ENPP3: variants seen among roughly 807,000 people sequenced by gnomAD.
The protein encoded by ENPP3 is ectonucleotide pyrophosphatase/phosphodiesterase 3, also known as ectonucleotide pyrophosphatase/phosphodiesterase family member 3.
ENPP3 carries 104 observed loss-of-function variants against 117.8 expected under a neutral mutation model. The ratio of observed to expected loss-of-function variants is 0.88; its 90% confidence interval spans 0.75 to 1.04. ENPP3 has a LOEUF of 1.04. ENPP3 is among the 50% of genes least tolerant of loss of function. The pLI is 0.00. For synonymous variants in ENPP3, 380 were observed against 349.9 expected, an observed-to-expected ratio of 1.09 and a Z score of -0.96; for missense variants, 1,026 against 1,051.9, an observed-to-expected ratio of 0.98 and a Z score of 0.34.
intron 7 of ENPP3, 35 bp downstream of exon 7, chr6:131,671,362 G>T: frequency 8.6e-7 from 1 of 1,164,684 alleles, no homozygotes; most frequent in South Asian, 1.3e-5. Context: ...ACAGGCCAAA[G>T]ACCAGAACTG....
chr6:131,697,964 G>A (rs980218029), intron 15 of ENPP3, among the ~76,000 whole-genome samples: 6 of 152,196 alleles, frequency 3.9e-5, no homozygotes, highest in Admixed American at 3.9e-4. Context: ...GCATCACCGG[G>A]AAGGTATTAT....
chr6:131,639,267 T>TATATA (rs1562421609), intron 1 of ENPP3, among the ~76,000 whole-genome samples: 2 of 78,726 alleles, frequency 2.5e-5, no homozygotes, highest in East Asian at 5.1e-4. Context: ...ATATATATAT[T>TATATA]TTTTTTTTTT....
intron 20 of ENPP3, among the ~76,000 whole-genome samples, chr6:131,730,518 T>C (rs1462738827): frequency 6.6e-6 from 1 of 152,244 alleles, no homozygotes; most frequent in Non-Finnish European, 1.5e-5. Flanking sequence ...AAGGGGAAGA[T>C]ACATTCTTGA....
chr6:131,742,538 T>C (rs1780548760), intron 24 of ENPP3, among the ~76,000 whole-genome samples: 1 of 152,066 alleles, frequency 6.6e-6, no homozygotes, highest in African/African-American at 2.4e-5. Context: ...AACTTACTCA[T>C]CTTAAAATTT....
chr6:131,701,421 T>A, intron 15 of ENPP3: 2 of 1,597,284 alleles, frequency 1.3e-6, no homozygotes, highest in Non-Finnish European at 1.7e-6. Flanking sequence ...ACAGAGGAAA[T>A]CAAGTTAATG....
chr6:131,732,081 G>T (rs1780293394), intron 20 of ENPP3, among the ~76,000 whole-genome samples: 2 of 152,108 alleles, frequency 1.3e-5, no homozygotes, highest in Non-Finnish European at 2.9e-5. Flanking sequence ...GAACTCAGAG[G>T]TTTCAGACAA....
intron 15 of ENPP3, among the ~76,000 whole-genome samples, chr6:131,699,235 C>CA (rs4053087): frequency 0.038 from 4,062 of 107,386 alleles, 84 homozygotes; most frequent in African/African-American, 0.12. Context: ...AAGACTGTCT[C>CA]AAAAAAAAAA....
chr6:131,644,198 G>A (rs1243421778), intron 2 of ENPP3, among the ~76,000 whole-genome samples: 1 of 152,190 alleles, frequency 6.6e-6, no homozygotes, highest in Non-Finnish European at 1.5e-5. Flanking sequence ...ACCCGATCAA[G>A]TAAAGGTTAG....
intron 14 of ENPP3, among the ~76,000 whole-genome samples, chr6:131,687,535 G>A (rs1262238050): frequency 1.3e-5 from 2 of 152,134 alleles, no homozygotes; most frequent in Non-Finnish European, 2.9e-5. Context: ...AAGAGCTTCT[G>A]TATAGCCAAA....
chr6:131,651,302 A>G (rs140452693), intron 3 of ENPP3, among the ~76,000 whole-genome samples: 56 of 152,298 alleles, frequency 3.7e-4, no homozygotes, highest in African/African-American at 1.3e-3. Context: ...TTTTTAGAGG[A>G]CACAATTCAA....
chr6:131,737,665 G>T (rs1780427890), intron 22 of ENPP3, among the ~76,000 whole-genome samples: 1 of 152,044 alleles, frequency 6.6e-6, no homozygotes, highest in African/African-American at 2.4e-5. Flanking sequence ...GCCTTAATTT[G>T]ATTACTGCCA....
At chr6:131,696,537 G>T (rs1428833459) in intron 15 of ENPP3, among the ~76,000 whole-genome samples, 1 of 152,218 alleles carries the variant, frequency 6.6e-6, no homozygotes, top group Non-Finnish European at 1.5e-5. Flanking sequence ...CAGTCTGTCG[G>T]TTGTACAGTG....
At position 131,747,068 on chromosome 6, in the gene ENPP3, C is replaced by A. The variant is rs992778063; in HGVS notation, c.*112C>A. On this transcript the variant is annotated 3_prime_UTR_variant, in exon 25 of 25. Transcript: ENST00000357639. ...TAAAGTTTTCTATTTTTCCTTAAGT[C>A]CCCTAAAAGCCATAATTTTTATTAT... 2.9e-5 allele frequency: 15 copies of A among 509,632 alleles called. No homozygotes were observed. The highest frequency in any genetic ancestry group is 1.8e-4 in the African/African-American group (9 of 49,940). The allele number at this position is 509,632 out of a possible 1,614,324, so 31.6% of individuals were successfully genotyped here.
At chr6:131,700,554 A>G in intron 15 of ENPP3, 2 of 1,410,864 alleles carry the variant, frequency 1.4e-6, no homozygotes, top group Non-Finnish European at 1.9e-6. Flanking sequence ...GGGATTGAGC[A>G]TGGGATTAAA....
At chr6:131,695,467 G>A (rs1779384226) in intron 15 of ENPP3, among the ~76,000 whole-genome samples, 1 of 152,106 alleles carries the variant, frequency 6.6e-6, no homozygotes, top group African/African-American at 2.4e-5. Context: ...CTAGGTTGTG[G>A]GAACTTGGAA....
At chr6:131,672,019 A>G (rs972126615) in intron 7 of ENPP3, among the ~76,000 whole-genome samples, 1 of 152,170 alleles carries the variant, frequency 6.6e-6, no homozygotes, top group Non-Finnish European at 1.5e-5. Context: ...TTTAACCCCC[A>G]CACAAATGTA....
intron 24 of ENPP3, among the ~76,000 whole-genome samples, chr6:131,744,505 G>T (rs1780592077): frequency 6.6e-6 from 1 of 152,144 alleles, no homozygotes. Context: ...AGTCATCTGA[G>T]GAAACAGAAG....
At chr6:131,723,302 C>T (rs943419933) in intron 18 of ENPP3, among the ~76,000 whole-genome samples, 4 of 152,182 alleles carry the variant, frequency 2.6e-5, no homozygotes, top group African/African-American at 9.7e-5. Flanking sequence ...AGGGGCTTTA[C>T]AGGACAAAAG....
chr6:131,700,722 A>T lies in ENPP3; in HGVS notation c.1412+7098A>T. ...TTTCCTCTGAACTTCCCTTGATTGGATCTGAAGGATAGCACAGAGGATGCA... is the reference window on the plus strand; with the variant it reads ...TTTCCTCTGAACTTCCCTTGATTGGTTCTGAAGGATAGCACAGAGGATGCA... On this transcript the variant is annotated intron_variant, in intron 15 of 24. Coordinates refer to ENST00000357639, the MANE Select transcript of ENPP3 (RefSeq NM_005021.5). 4 of 1,555,898 alleles carry T rather than the reference A, an allele frequency of 2.6e-6. 1 individual carries two copies. The highest frequency in any genetic ancestry group is 3.4e-6 in the Non-Finnish European group (4 of 1,164,748).
Sources: gnomAD v4.1 joint callset for allele counts (sites outside exome capture counted in the v4.1 genomes callset) on GRCh38, gnomAD v4.1.1 for gene constraint, MANE v1.5 for transcripts, NCBI Gene and HGNC (gene_info 2026-07-23, HGNC 2026-07-21) for gene names.